Variants in FOXO1 observed in about 807,000 individuals in gnomAD.
FOXO1 encodes forkhead box protein O1.
In FOXO1, 6 loss-of-function variants were observed where a neutral mutation model predicts 44.1. That is an observed-to-expected ratio of 0.14 (90% CI 0.07 to 0.27). The LOEUF (loss-of-function observed/expected upper bound fraction) is 0.27, where lower values mean the gene tolerates loss of function less well. Among genes scored for constraint, FOXO1 ranks in the 10% least tolerant of loss-of-function variants. The pLI is 1.00. For synonymous variants in FOXO1, 380 were observed against 362.7 expected (o/e 1.05, Z -0.54); for missense variants, 737 against 888.8 (o/e 0.83, Z 2.17).
intron 1 of FOXO1, among the ~76,000 whole-genome samples, chr13:40,639,360 C>T (rs760780050): frequency 7.2e-5 from 11 of 151,876 alleles, no homozygotes; most frequent in Non-Finnish European, 1.5e-4. Flanking sequence ...CCCTGCTTGG[C>T]CCTACCACAG....
intron 1 of FOXO1, among the ~76,000 whole-genome samples, chr13:40,630,633 C>T (rs1400642249): frequency 4.7e-5 from 7 of 150,004 alleles, no homozygotes; most frequent in Admixed American, 1.3e-4. Flanking sequence ...CCAGACTGGG[C>T]GTGGGAGCAA....
chr13:40,570,027 C>T (rs746619342), intron 1 of FOXO1, among the ~76,000 whole-genome samples: 3 of 152,076 alleles, frequency 2.0e-5, no homozygotes, highest in Non-Finnish European at 4.4e-5. Flanking sequence ...TAAAAGAGCC[C>T]CTAGGCCAGG....
intron 1 of FOXO1, among the ~76,000 whole-genome samples, chr13:40,632,064 G>A (rs533056786): frequency 6.6e-6 from 1 of 152,286 alleles, no homozygotes; most frequent in East Asian, 1.9e-4. Context: ...GAGGTCAGGA[G>A]ATGGAGACCA....
chr13:40,659,692 A>G (rs1877977272), intron 1 of FOXO1, among the ~76,000 whole-genome samples: 1 of 152,194 alleles, frequency 6.6e-6, no homozygotes, highest in Non-Finnish European at 1.5e-5. Flanking sequence ...AGAAAAAAAA[A>G]GTAGCCCAAA....
intron 1 of FOXO1, among the ~76,000 whole-genome samples, chr13:40,627,660 C>A (rs988063088): frequency 5.3e-5 from 8 of 151,970 alleles, no homozygotes; most frequent in African/African-American, 1.7e-4. Flanking sequence ...TGGTGAAACC[C>A]CATCTCTACT....
intron 2 of FOXO1, 28 bp from the exon 3 acceptor site, chr13:40,559,062 C>G (rs993582467): frequency 2.5e-6 from 1 of 398,924 alleles, no homozygotes; most frequent in Non-Finnish European, 4.4e-6. Context: ...CATACGCACA[C>G]ACACATACAC....
At chr13:40,659,873 T>C (rs1877983114) in intron 1 of FOXO1, among the ~76,000 whole-genome samples, 1 of 152,174 alleles carries the variant, frequency 6.6e-6, no homozygotes, top group Non-Finnish European at 1.5e-5. Flanking sequence ...CGTACAAAAA[T>C]GTGTTTTTCA....
At chr13:40,628,134 T>C (rs1440987950) in intron 1 of FOXO1, among the ~76,000 whole-genome samples, 2 of 151,574 alleles carry the variant, frequency 1.3e-5, no homozygotes, top group African/African-American at 2.4e-5. Flanking sequence ...TACATAAAAG[T>C]TTTTTTTTAT....
At chr13:40,648,268 G>T (rs1046800033) in intron 1 of FOXO1, among the ~76,000 whole-genome samples, 1 of 152,076 alleles carries the variant, frequency 6.6e-6, no homozygotes, top group Non-Finnish European at 1.5e-5. Flanking sequence ...CCCTTCCTCA[G>T]GTCAAAATAC....
At chr13:40,592,387 T>C (rs116357295) in intron 1 of FOXO1, among the ~76,000 whole-genome samples, 2 of 152,248 alleles carry the variant, frequency 1.3e-5, no homozygotes, top group African/African-American at 4.8e-5. Flanking sequence ...GCAATATCTT[T>C]GAAGGAGTTA....
At chr13:40,613,790 G>A (rs1025428483) in intron 1 of FOXO1, among the ~76,000 whole-genome samples, 6 of 152,160 alleles carry the variant, frequency 3.9e-5, no homozygotes, top group Non-Finnish European at 7.3e-5. Flanking sequence ...GCAGTTACAC[G>A]GTCTCCCATC....
At chr13:40,574,346 C>A (rs868127417) in intron 1 of FOXO1, among the ~76,000 whole-genome samples, 5 of 152,272 alleles carry the variant, frequency 3.3e-5, no homozygotes, top group Middle Eastern at 3.4e-3. Flanking sequence ...ATCATTACTG[C>A]GCGTGTGAAT....
intron 1 of FOXO1, among the ~76,000 whole-genome samples, chr13:40,602,943 G>A (rs1875862570): frequency 1.3e-5 from 2 of 152,174 alleles, no homozygotes; most frequent in Admixed American, 1.3e-4. Context: ...CCAATCCAGA[G>A]GCAACTTCAT....
intron 1 of FOXO1, among the ~76,000 whole-genome samples, chr13:40,643,157 C>G (rs1047014225): frequency 6.6e-6 from 1 of 152,034 alleles, no homozygotes; most frequent in African/African-American, 2.4e-5. Context: ...GCCTGGCCAA[C>G]ATGGTGAAAC....
chr13:40,645,884 T>A (rs1450695154), intron 1 of FOXO1, among the ~76,000 whole-genome samples: 1 of 151,974 alleles, frequency 6.6e-6, no homozygotes, highest in Non-Finnish European at 1.5e-5. Flanking sequence ...CTGACAAACA[T>A]GGAGAAATCC....
chr13:40,608,069 G>C (rs1484047342), intron 1 of FOXO1, among the ~76,000 whole-genome samples: 1 of 152,154 alleles, frequency 6.6e-6, no homozygotes, highest in Non-Finnish European at 1.5e-5. Context: ...GTGTTTCTTG[G>C]GGCAGAGGAA....
chr13:40,624,520 T>C (rs539421714), intron 1 of FOXO1, among the ~76,000 whole-genome samples: 2 of 152,208 alleles, frequency 1.3e-5, no homozygotes, highest in South Asian at 4.1e-4. Context: ...TACCACATGA[T>C]AAGAACAGCA....
At chr13:40,650,076 T>C (rs554124296) in intron 1 of FOXO1, among the ~76,000 whole-genome samples, 11 of 152,338 alleles carry the variant, frequency 7.2e-5, no homozygotes, top group African/African-American at 1.9e-4. Flanking sequence ...GGGCTGCTGA[T>C]TGCCCATTTT....
In FOXO1 at chr13:40,559,933, T is replaced by C; in HGVS notation, c.1558A>G (p.Ser520Gly). 3 of 1,614,120 alleles carry C rather than the reference T, an allele frequency of 1.9e-6. No homozygotes were observed. The highest frequency in any genetic ancestry group is 1.1e-5 in the South Asian group (1 of 91,080). The change falls in exon 2 of 3, where the codon AGC (serine) becomes GGC (glycine). Residue 520 changes from serine to glycine, a missense_variant. Around this residue, in one of 7 missense-constraint regions of FOXO1, gnomAD observed 283 missense variants for 278.1 expected, o/e 1.02. Coordinates refer to ENST00000379561, the MANE Select transcript of FOXO1 (RefSeq NM_002015.4). ...GCATGTCCAGGGTGGGTATGGGAGC[T>C]GGGATTCATCATTTTGTTATGAGAT... ...QASHNKMMNP[S>G]SHTHPGHAQQ...
Sources: gnomAD v4.1 joint callset for allele counts (sites outside exome capture counted in the v4.1 genomes callset) on GRCh38, gnomAD v4.1.1 for gene constraint, gnomAD v4.1.1 regional missense constraint, MANE v1.5 for transcripts, NCBI Gene and HGNC (gene_info 2026-07-23, HGNC 2026-07-21) for gene names.